RANBP17: variants seen among roughly 807,000 people sequenced by gnomAD.
The protein encoded by RANBP17 is RAN binding protein 17.
In RANBP17, 158 loss-of-function variants were observed where a neutral mutation model predicts 141.2. That is an observed-to-expected ratio of 1.12 (90% CI 0.98 to 1.28). RANBP17 has a LOEUF of 1.28. Among genes scored for constraint, RANBP17 ranks in the 50% most tolerant of loss-of-function variants. The pLI, the probability that RANBP17 is intolerant of heterozygous loss-of-function variation, is 0.00. For synonymous variants in RANBP17, 430 were observed against 450.0 expected, an observed-to-expected ratio of 0.96 and a Z score of 0.56; for missense variants, 1,438 against 1,290.7, an observed-to-expected ratio of 1.11 and a Z score of -1.75.
chr5:171,259,273 T>C (rs187349420), intron 24 of RANBP17, among the ~76,000 whole-genome samples: 1 of 152,312 alleles, frequency 6.6e-6, no homozygotes, highest in Non-Finnish European at 1.5e-5. Context: ...TTGGTGGGAA[T>C]GTAAACTAAT....
chr5:171,096,515 TAGAA>T lies in RANBP17; in HGVS notation c.1711-73614_1711-73611del, dbSNP rs1786705053. On this transcript the variant is annotated intron_variant, in intron 14 of 27. Coordinates refer to ENST00000523189, the MANE Select transcript of RANBP17 (RefSeq NM_022897.5). Reference sequence around the variant, plus strand: ...TAAATATTTAGGTAGCACATCTTCATAGAAGGAATAAAATGTGCAAATTTGATTG... The same window carrying T: ...TAAATATTTAGGTAGCACATCTTCATGGAATAAAATGTGCAAATTTGATTG... Among the ~76,000 whole-genome samples, 9 of 152,308 alleles carry T rather than the reference TAGAA, an allele frequency of 5.9e-5. No homozygotes were observed. In the South Asian group the frequency reaches 1.9e-3, roughly 32 times the overall value.
chr5:171,023,993 G>A (rs1474240454), intron 14 of RANBP17, among the ~76,000 whole-genome samples: 3 of 152,052 alleles, frequency 2.0e-5, no homozygotes, highest in African/African-American at 4.8e-5. Context: ...ATCATAGCTA[G>A]AATAACATGT....
chr5:171,235,469 G>A (rs1276380422), intron 22 of RANBP17, among the ~76,000 whole-genome samples: 3 of 152,050 alleles, frequency 2.0e-5, no homozygotes, highest in Non-Finnish European at 4.4e-5. Flanking sequence ...ATAAGAGAGA[G>A]GAGATGGGAA....
At chr5:171,015,468 T>C (rs1217481503) in intron 14 of RANBP17, among the ~76,000 whole-genome samples, 1 of 152,150 alleles carries the variant, frequency 6.6e-6, no homozygotes, top group Admixed American at 6.6e-5. Flanking sequence ...TGTGTTTTCT[T>C]CTCAGGCAGT....
intron 14 of RANBP17, among the ~76,000 whole-genome samples, chr5:171,054,819 G>T (rs1783232135): frequency 6.6e-6 from 1 of 152,122 alleles, no homozygotes; most frequent in Admixed American, 6.6e-5. Context: ...TAATCTTAAG[G>T]GTTGTAGAGG....
At chr5:171,048,685 T>C (rs1437107335) in intron 14 of RANBP17, among the ~76,000 whole-genome samples, 2 of 138,646 alleles carry the variant, frequency 1.4e-5, no homozygotes, top group Non-Finnish European at 3.0e-5. Context: ...TCTCTGTCCC[T>C]GTGTACTCAA....
intron 12 of RANBP17, among the ~76,000 whole-genome samples, chr5:170,950,333 A>T (rs1266669327): frequency 6.6e-6 from 1 of 151,886 alleles, no homozygotes; most frequent in Non-Finnish European, 1.5e-5. Flanking sequence ...TTGCAAACTG[A>T]CCAGGGAGGA....
chr5:170,887,295 A>G (rs1435891080), intron 3 of RANBP17, among the ~76,000 whole-genome samples: 2 of 152,170 alleles, frequency 1.3e-5, no homozygotes, highest in East Asian at 1.9e-4. Flanking sequence ...TTTTCATGAC[A>G]AAGTTTACCT....
chr5:171,012,849 T>C (rs1428962816), intron 14 of RANBP17, among the ~76,000 whole-genome samples: 1 of 152,176 alleles, frequency 6.6e-6, no homozygotes, highest in Non-Finnish European at 1.5e-5. Flanking sequence ...ATGTATATGG[T>C]TGCTTGCAGA....
intron 14 of RANBP17, among the ~76,000 whole-genome samples, chr5:171,147,339 T>TTTTGTGTG (rs765921702): frequency 2.9e-5 from 3 of 104,854 alleles, no homozygotes; most frequent in African/African-American, 6.8e-5. Context: ...CTTGGTTGTT[T>TTTTGTGTG]TGTGTGTGTG....
At chr5:171,094,438 T>TA (rs1786529763) in intron 14 of RANBP17, among the ~76,000 whole-genome samples, 1 of 152,228 alleles carries the variant, frequency 6.6e-6, no homozygotes, top group African/African-American at 2.4e-5. Flanking sequence ...AATGCTCCTA[T>TA]AAATTGAACC....
At chr5:171,101,539 T>C (rs1051011666) in intron 14 of RANBP17, among the ~76,000 whole-genome samples, 1 of 152,232 alleles carries the variant, frequency 6.6e-6, no homozygotes, top group African/African-American at 2.4e-5. Context: ...TGATGGGTCT[T>C]GACTCTATCC....
intron 25 of RANBP17, among the ~76,000 whole-genome samples, chr5:171,280,254 G>GCT (rs1157813904): frequency 1.3e-5 from 2 of 151,924 alleles, no homozygotes; most frequent in Non-Finnish European, 1.5e-5. Context: ...ATGGAAAGTT[G>GCT]TTTTTTGGGC....
In RANBP17 at chr5:171,211,171, T is replaced by C. The variant is rs372598710; in HGVS notation, c.2232-2460T>C. Reference sequence around the variant, plus strand: ...GTCAAAATAAAGTTAATCAAGTGGATTGACTTTATTTTTGTTATTTTCATC... The same window carrying C: ...GTCAAAATAAAGTTAATCAAGTGGACTGACTTTATTTTTGTTATTTTCATC... On this transcript the variant is annotated intron_variant, in intron 20 of 27. Coordinates refer to ENST00000523189, the MANE Select transcript of RANBP17 (RefSeq NM_022897.5). Among the ~76,000 whole-genome samples the C allele has an allele frequency of 1.3e-3, 196 of 152,164 alleles. 9 individuals carry two copies. In the South Asian group the frequency reaches 0.039, roughly 30 times the overall value.
chr5:171,298,862 G>A lies in RANBP17; in HGVS notation c.*4G>A, dbSNP rs1435660894. On this transcript the variant is annotated 3_prime_UTR_variant, in exon 28 of 28. Coordinates refer to ENST00000523189, the MANE Select transcript of RANBP17 (RefSeq NM_022897.5). ...CAGTCTCGACATGATGAGCTGACCC[G>A]ACTTTTCTGACCATGTGCGGAGCAG... 4.3e-6 allele frequency: 7 copies of A among 1,611,916 alleles called. No homozygotes were observed. Among genetic ancestry groups the A allele is most frequent in the African/African-American group, 2.7e-5 (2 of 74,906 alleles).
intron 1 of RANBP17, among the ~76,000 whole-genome samples, chr5:170,873,024 G>A (rs935712179): frequency 3.3e-5 from 5 of 152,086 alleles, no homozygotes; most frequent in African/African-American, 9.7e-5. Flanking sequence ...AGATTCTTCT[G>A]CCTTAGCTTC....
rs982959729 is a variant in RANBP17, at chr5:170,965,680, C to G, written c.1575-2562C>G. 2.2e-4 allele frequency among the ~76,000 whole-genome samples: 34 copies of G among 151,978 alleles called. No individual in the cohort carries two copies. In the South Asian group the frequency reaches 3.1e-3, roughly 14 times the overall value. ...AATCCTTTCCCCATTTCTTGTTTTT[C>G]TCAGGTTTGTCAAAGATCAGATAGT... On this transcript the variant is annotated intron_variant, in intron 13 of 27. Coordinates refer to ENST00000523189, the MANE Select transcript of RANBP17 (RefSeq NM_022897.5).
chr5:171,197,631 C>T (rs968844584), intron 18 of RANBP17, among the ~76,000 whole-genome samples: 4 of 152,134 alleles, frequency 2.6e-5, no homozygotes, highest in African/African-American at 9.7e-5. Flanking sequence ...TCATTTAGTT[C>T]CCGCAGTAAC....
chr5:170,943,374 C>A (rs927068716), intron 12 of RANBP17, among the ~76,000 whole-genome samples: 3 of 152,024 alleles, frequency 2.0e-5, no homozygotes, highest in African/African-American at 7.2e-5. Context: ...GTGATATGGT[C>A]ATGGTTTACG....
Sources: allele counts gnomAD v4.1 joint callset (sites outside exome capture counted in the v4.1 genomes callset), GRCh38; gene constraint gnomAD v4.1.1; transcripts MANE v1.5; gene names NCBI Gene and HGNC (gene_info 2026-07-23, HGNC 2026-07-21).